The following HMGB1 variants were observed in gnomAD, a reference collection of about 807,000 sequenced individuals.
HMGB1 encodes the protein high mobility group box 1.
For synonymous variants in HMGB1, 81 were observed against 84.0 expected, an observed-to-expected ratio of 0.96 and a Z score of 0.19; for missense variants, 79 against 253.5, an observed-to-expected ratio of 0.31 and a Z score of 4.67.
chr13:30,463,503 C>G, intron 2 of HMGB1, 28 bp downstream of exon 2: 1 of 1,594,526 alleles, frequency 6.3e-7, no homozygotes, highest in Non-Finnish European at 8.5e-7. Context: ...TTTTAATTAC[C>G]TTGTTAGCAT....
At chr13:30,588,915 T>TA (rs552073771) in intron 1 of HMGB1, among the ~76,000 whole-genome samples, 608 of 150,204 alleles carry the variant, frequency 4.0e-3, no homozygotes, top group Non-Finnish European at 7.1e-3. Flanking sequence ...AGCCTCTGTT[T>TA]AAAAAAAAAC....
intron 1 of HMGB1, among the ~76,000 whole-genome samples, chr13:30,523,979 A>C (rs911359625): frequency 5.9e-5 from 9 of 152,148 alleles, no homozygotes; most frequent in Admixed American, 3.9e-4. Context: ...ACTGCTGGAC[A>C]CATATACACC....
intron 1 of HMGB1, among the ~76,000 whole-genome samples, chr13:30,510,520 A>G (rs760989953): frequency 6.0e-5 from 9 of 151,150 alleles, no homozygotes; most frequent in Non-Finnish European, 1.3e-4. Context: ...CAGTTTGCCT[A>G]TTCCTTTCAA....
chr13:30,604,726 C>T (rs1159456070), intron 1 of HMGB1, among the ~76,000 whole-genome samples: 3 of 152,252 alleles, frequency 2.0e-5, no homozygotes, highest in South Asian at 4.1e-4. Flanking sequence ...GGCGTGATCT[C>T]GGCTCACTGC....
intron 1 of HMGB1, among the ~76,000 whole-genome samples, chr13:30,593,680 T>C (rs915616886): frequency 5.9e-5 from 9 of 152,246 alleles, no homozygotes; most frequent in African/African-American, 2.2e-4. Flanking sequence ...AAATTTTGTT[T>C]TACATTGATC....
At chr13:30,472,709 C>A (rs1460201821) in intron 1 of HMGB1, among the ~76,000 whole-genome samples, 1 of 152,124 alleles carries the variant, frequency 6.6e-6, no homozygotes, top group Non-Finnish European at 1.5e-5. Context: ...TGCAATGAGT[C>A]CTAAAGTCAA....
In HMGB1 at chr13:30,496,555, G is replaced by T. The variant is rs183808609; in HGVS notation, c.-14-32861C>A. On this transcript the variant is annotated intron_variant, in intron 1 of 4. Transcript: ENST00000405805. ...TCAAACAAAAACCTTACCTAAAAGC[G>T]TATAGGGGAATGGACCAAGAAAGCA... Among the ~76,000 whole-genome samples, 4 of 152,294 alleles carry T rather than the reference G, an allele frequency of 2.6e-5. No individual in the cohort carries two copies. In the East Asian group the frequency reaches 7.7e-4, roughly 29 times the overall value.
chr13:30,479,959 T>C (rs539264510), intron 1 of HMGB1, among the ~76,000 whole-genome samples: 13 of 152,336 alleles, frequency 8.5e-5, no homozygotes, highest in African/African-American at 2.6e-4. Context: ...TCTGGCAGTT[T>C]CTCTCTTGCT....
chr13:30,492,274 G>A (rs1887513899), intron 1 of HMGB1, among the ~76,000 whole-genome samples: 1 of 151,920 alleles, frequency 6.6e-6, no homozygotes, highest in Non-Finnish European at 1.5e-5. Context: ...AGGGTTGCTT[G>A]AGCTCAGGAG....
intron 1 of HMGB1, among the ~76,000 whole-genome samples, chr13:30,583,573 C>T (rs1222448780): frequency 6.8e-6 from 1 of 147,094 alleles, no homozygotes; most frequent in Admixed American, 6.8e-5. Context: ...AGGTGGCTCA[C>T]ACCTGTAATC....
intron 1 of HMGB1, among the ~76,000 whole-genome samples, chr13:30,590,327 T>C (rs1871315412): frequency 6.6e-6 from 1 of 152,162 alleles, no homozygotes; most frequent in African/African-American, 2.4e-5. Flanking sequence ...TAAATTTTAA[T>C]CTATTATTTA....
chr13:30,485,034 C>CTTTT (rs59990628), intron 1 of HMGB1, among the ~76,000 whole-genome samples: 3 of 134,564 alleles, frequency 2.2e-5, no homozygotes, highest in Non-Finnish European at 3.1e-5. Flanking sequence ...TTTTCTTTTT[C>CTTTT]TTTTTTTTTT....
intron 1 of HMGB1, among the ~76,000 whole-genome samples, chr13:30,514,352 C>G (rs1228235673): frequency 7.7e-6 from 1 of 130,444 alleles, no homozygotes; most frequent in South Asian, 2.6e-4. Context: ...CTAGTTCAAT[C>G]TTTTTTTTTT....
chr13:30,462,867 A>G (rs777897809), intron 3 of HMGB1, among the ~76,000 whole-genome samples, 155 bp from the exon 4 acceptor site: 2 of 152,200 alleles, frequency 1.3e-5, no homozygotes, highest in African/African-American at 4.8e-5. Flanking sequence ...ATCCTTCACA[A>G]CCAAAGCTTA....
At chr13:30,521,629 A>C (rs1470302734) in intron 1 of HMGB1, among the ~76,000 whole-genome samples, 1 of 152,236 alleles carries the variant, frequency 6.6e-6, no homozygotes, top group Non-Finnish European at 1.5e-5. Flanking sequence ...TGATGGACAC[A>C]TGAGTGGTTT....
intron 1 of HMGB1, among the ~76,000 whole-genome samples, chr13:30,474,856 T>G (rs1201086234): frequency 6.9e-6 from 1 of 144,368 alleles, no homozygotes. Flanking sequence ...CTTTTTTTGT[T>G]TTTTTTTTTT....
chr13:30,510,379 C>T (rs998852019), intron 1 of HMGB1, among the ~76,000 whole-genome samples: 1 of 152,164 alleles, frequency 6.6e-6, no homozygotes, highest in Non-Finnish European at 1.5e-5. Context: ...CCCCACCTTG[C>T]CTCCCTTGCT....
chr13:30,601,295 C>A (rs1950397782), intron 1 of HMGB1, among the ~76,000 whole-genome samples: 1 of 152,198 alleles, frequency 6.6e-6, no homozygotes, highest in Non-Finnish European at 1.5e-5. Context: ...CCCGCCTGCA[C>A]CCAGGTGAAA....
intron 1 of HMGB1, among the ~76,000 whole-genome samples, chr13:30,616,268 TTC>T (rs761659846): frequency 1.3e-5 from 2 of 152,230 alleles, no homozygotes; most frequent in African/African-American, 4.8e-5. Context: ...TCCATTTTGT[TTC>T]TGTTACTAAT....
Sources: allele counts gnomAD v4.1 joint callset (sites outside exome capture counted in the v4.1 genomes callset), GRCh38; gene constraint gnomAD v4.1.1; transcripts MANE v1.5; gene names NCBI Gene and HGNC (gene_info 2026-07-23, HGNC 2026-07-21).